MCM7: variants seen among roughly 807,000 people sequenced by gnomAD.
MCM7 encodes minichromosome maintenance complex component 7.
In MCM7, 95 loss-of-function variants were observed where a neutral mutation model predicts 83.5. The observed-to-expected ratio is 1.14, with a 90% CI of 0.96 to 1.35. The LOEUF (loss-of-function observed/expected upper bound fraction) is 1.35, where lower values mean the gene tolerates loss of function less well. Ranked by LOEUF, MCM7 falls within the 40% of genes most tolerant of loss-of-function variation. The pLI is 0.00. For missense variants in MCM7, 1,087 were observed against 957.4 expected (o/e 1.14, Z -1.79); for synonymous variants, 461 against 352.7 (o/e 1.31, Z -3.44).
chr7:100,094,973 C>G (rs1471625009), intron 12 of MCM7, among the ~76,000 whole-genome samples: 1 of 152,098 alleles, frequency 6.6e-6, no homozygotes, highest in Non-Finnish European at 1.5e-5. Flanking sequence ...CTTTGGGAGG[C>G]AGAGGTGGGC....
At chr7:100,094,113 G>T in intron 13 of MCM7, 60 bp downstream of exon 13, 1 of 1,604,100 alleles carries the variant, frequency 6.2e-7, no homozygotes, top group South Asian at 1.1e-5. Context: ...TGAGAGCACG[G>T]TAAGGAGCTA....
rs1284682291 is a variant in MCM7, at chr7:100,094,565, A to G, written c.1680-224T>C. Among the ~76,000 whole-genome samples, 5 of 151,992 alleles carry G rather than the reference A, an allele frequency of 3.3e-5. No homozygotes were observed. The East Asian group carries it at 7.7e-4, about 23-fold the overall frequency. On this transcript the variant is annotated intron_variant, in intron 12 of 14. Transcript: ENST00000303887. ...ACCAGTATCCTCCAAGTTATTTCCT[A>G]TTTTTTTCGGGAAAATGGCCTTTGT... is the stretch of plus-strand genomic sequence containing the variant.
chr7:100,098,130 C>G lies in MCM7; in HGVS notation c.870+11G>C. Reference sequence around the variant, plus strand: ...GGGATGATCCATTCCTCATGTCAAACTCTTCCTTACCTGTACCACCTGTCG... The same window carrying G: ...GGGATGATCCATTCCTCATGTCAAAGTCTTCCTTACCTGTACCACCTGTCG... On this transcript the variant is annotated intron_variant, in intron 7 of 14. Transcript: ENST00000303887. 6.2e-7 allele frequency: 1 copy of G among 1,613,540 alleles called. No individual in the cohort carries two copies. The highest frequency in any genetic ancestry group is 2.2e-5 in the East Asian group (1 of 44,878).
At chr7:100,098,453 C>A (rs1176524659) in intron 6 of MCM7, 125 bp downstream of exon 6, 4 of 1,510,046 alleles carry the variant, frequency 2.6e-6, no homozygotes, top group Non-Finnish European at 2.7e-6. Context: ...CCAGGAAATT[C>A]TAGTTCCACC....
intron 12 of MCM7, among the ~76,000 whole-genome samples, chr7:100,094,629 C>T (rs1795520523): frequency 6.6e-6 from 1 of 152,096 alleles, no homozygotes; most frequent in Non-Finnish European, 1.5e-5. Context: ...GATCCAGACC[C>T]CTCCTCTGAG....
intron 12 of MCM7, 93 bp from the exon 13 acceptor site, chr7:100,094,434 T>G: frequency 7.0e-7 from 1 of 1,422,624 alleles, no homozygotes; most frequent in Non-Finnish European, 9.7e-7. Context: ...GGCTCCCCAT[T>G]TAACATGGTC....
In MCM7 at chr7:100,093,317, G is replaced by A. The variant is rs778026196; in HGVS notation, c.1933C>T (p.Leu645=). ...RLMEMSKDSL[L]GDKGQTARTQ... ...CTAGCTGTCTGCCCCTTGTCTCCTA[G>A]AAGAGAGTCCTTTGACATCTCCATT... is the stretch of plus-strand genomic sequence containing the variant. Residue 645 remains leucine (L), a synonymous_variant, in exon 14 of 15, where the codon CTA becomes TTA. Coordinates refer to ENST00000303887, the MANE Select transcript of MCM7 (RefSeq NM_005916.5). 5.0e-6 allele frequency: 8 copies of A among 1,613,814 alleles called. No individual in the cohort carries two copies. The African/African-American group carries it at 9.3e-5, about 19-fold the overall frequency.
In MCM7 at chr7:100,095,917, G is replaced by A; in HGVS notation, c.1452C>T (p.Ile484=). The change falls in exon 11 of 15, where the codon ATC becomes ATT. Residue 484 remains isoleucine (I), a synonymous_variant. Transcript: ENST00000303887. ...ILTTLNARCS[I]LAAANPAYGR... is the part of the protein sequence containing the mutation. ...CGTAGGCAGGGTTGGCGGCAGCCAG[G>A]ATGGAGCAGCGGGCATTGAGTGTGG... The A allele has an allele frequency of 6.2e-7, 1 of 1,614,090 alleles. No individual in the cohort carries two copies. The highest frequency in any genetic ancestry group is 8.5e-7 in the Non-Finnish European group (1 of 1,180,022).
chr7:100,095,799 G>T lies in MCM7; in HGVS notation c.1570C>A (p.Arg524=), dbSNP rs941062855. The change falls in exon 11 of 15, where the codon CGG becomes AGG. Residue 524 remains arginine, a synonymous_variant. Coordinates refer to ENST00000303887, the MANE Select transcript of MCM7 (RefSeq NM_005916.5). ...RFDLLWLIQD[R]PDRDNDLRLA... The stretch of plus-strand genomic sequence containing the variant: ...CGTAGGTCATTGTCTCGGTCGGGCC[G>T]GTCCTGAATCAGCCAGAGGAGGTCA... 6.3e-7 allele frequency: 1 copy of T among 1,594,192 alleles called. No individual in the cohort carries two copies. Among genetic ancestry groups the T allele is most frequent in the Non-Finnish European group, 8.5e-7 (1 of 1,170,548 alleles).
rs1175667881 is a variant in MCM7, at chr7:100,098,674, G to A, written c.624C>T (p.Ser208=). 3.1e-6 allele frequency: 5 copies of A among 1,613,956 alleles called. No individual in the cohort carries two copies. The highest frequency in any genetic ancestry group is 1.7e-5 in the Admixed American group (1 of 59,980). ...PTFMPLIMCP[S]QECQTNRSGG... is the part of the protein sequence containing the mutation. ...CTGAGCGGTTGGTTTGGCACTCCTGGCTTGGGCACATGATCAGAGGCATGA... is the reference window on the plus strand; with the variant it reads ...CTGAGCGGTTGGTTTGGCACTCCTGACTTGGGCACATGATCAGAGGCATGA... Residue 208 remains serine, a synonymous_variant, in exon 6 of 15, where the codon AGC becomes AGT. Transcript: ENST00000303887.
chr7:100,100,757 T>A, intron 1 of MCM7: 1 of 990,708 alleles, frequency 1.0e-6, no homozygotes, highest in Non-Finnish European at 1.2e-6. Context: ...TACACGACAC[T>A]CCCTCCAGCC....
At chr7:100,095,579 A>G in intron 11 of MCM7, 109 bp from the exon 12 acceptor site, 1 of 1,317,104 alleles carries the variant, frequency 7.6e-7, no homozygotes, top group Non-Finnish European at 1.1e-6. Context: ...TAGGAGGGAC[A>G]AGCTTTCCCG....
chr7:100,100,268 G>T (rs1415834295), intron 1 of MCM7, 175 bp from the exon 2 acceptor site: 25 of 1,381,354 alleles, frequency 1.8e-5, no homozygotes, highest in Non-Finnish European at 2.1e-5. Context: ...TCTAACCAGC[G>T]AAGAATAAAG....
chr7:100,095,098 G>C (rs1279467098), intron 12 of MCM7, among the ~76,000 whole-genome samples: 6 of 152,218 alleles, frequency 3.9e-5, no homozygotes, highest in Admixed American at 3.9e-4. Flanking sequence ...AGAATCGCTT[G>C]AATCTGGGAG....
rs201850841 is a variant in MCM7, at chr7:100,099,185, G to A, written c.420C>T (p.Gly140=). Residue 140 remains glycine, a synonymous_variant, in exon 5 of 15, where the codon GGC becomes GGT. Coordinates refer to ENST00000303887, the MANE Select transcript of MCM7 (RefSeq NM_005916.5). ...TCACACGAGGCTTGTTGCTGCTAGG[G>A]CCTTGAAAATACAGCTCACTAAGGG... The part of the protein sequence containing the change: ...LMRRFELYFQ[G]PSSNKPRVIR... 221 of 1,614,062 alleles carry A rather than the reference G, an allele frequency of 1.4e-4. No homozygotes were observed. Among genetic ancestry groups the A allele is most frequent in the Non-Finnish European group, 1.7e-4 (201 of 1,180,016 alleles).
rs573331867 is a variant in MCM7 at position 100,093,018 on chromosome 7, C to T, written c.2074G>A (p.Ala692Thr). ...QRCVSRGFTP[A>T]QFQAALDEYE... is the part of the protein sequence containing the mutation. ...TCATCCAGAGCCGCCTGGAACTGGG[C>T]GGGTGTGAAGCCACGAGATACACAG... The change falls in exon 15 of 15, where the codon GCC becomes ACC. Residue 692 changes from alanine (A) to threonine (T), a missense_variant. Transcript: ENST00000303887. The T allele has an allele frequency of 2.5e-5, 41 of 1,614,224 alleles. No homozygotes were observed. The highest frequency in any genetic ancestry group is 2.3e-4 in the African/African-American group (17 of 75,048).
chr7:100,099,932 C>G (rs1286388025), intron 2 of MCM7, 82 bp downstream of exon 2: 2 of 1,465,658 alleles, frequency 1.4e-6, no homozygotes, highest in Non-Finnish European at 1.9e-6. Context: ...ATTGTTATGT[C>G]TTTAATAAAA....
intron 3 of MCM7, 31 bp from the exon 4 acceptor site, chr7:100,099,434 AAAGAGC>A: frequency 2.5e-6 from 4 of 1,584,080 alleles, no homozygotes; most frequent in Non-Finnish European, 2.6e-6. Context: ...AAAAAAAAAA[AAAGAGC>A]AACAGGATGG....
intron 1 of MCM7, 108 bp downstream of exon 1, chr7:100,101,156 A>G: frequency 3.6e-6 from 5 of 1,401,036 alleles, no homozygotes; most frequent in Non-Finnish European, 5.0e-6. Flanking sequence ...GGCCTCGCGC[A>G]CCCCAGAACC....
Sources: allele counts gnomAD v4.1 joint callset (sites outside exome capture counted in the v4.1 genomes callset), GRCh38; gene constraint gnomAD v4.1.1; transcripts MANE v1.5; gene names NCBI Gene and HGNC (gene_info 2026-07-23, HGNC 2026-07-21).